Variants in PSG2 observed in about 807,000 individuals in gnomAD.
PSG2 encodes the protein pregnancy-specific beta-1-glycoprotein 2.
PSG2 carries 49 observed loss-of-function variants against 36.2 expected under a neutral mutation model. That is an observed-to-expected ratio of 1.35 (90% CI 1.08 to 1.72). The LOEUF is 1.72. PSG2 is among the 40% of genes most tolerant of loss of function. The pLI, the probability that PSG2 is intolerant of heterozygous loss-of-function variation, is 0.00. For synonymous variants in PSG2, 261 were observed against 155.6 expected, an observed-to-expected ratio of 1.68 and a Z score of -5.04; for missense variants, 605 against 407.2, an observed-to-expected ratio of 1.49 and a Z score of -4.18.
Position 43,075,417 on chromosome 19 carries a change from C to G in PSG2, c.646G>C (p.Glu216Gln). Residue 216 changes from glutamate to glutamine, a missense_variant, in exon 3 of 6, where the codon GAA (glutamate) becomes CAA (glutamine). Coordinates refer to ENST00000406487, the MANE Select transcript of PSG2 (RefSeq NM_031246.4). ...GVTKYTAGPY[E>Q]CEIRNSGSAS... is the part of the protein sequence containing the mutation. ...CTCCCTGAGTTCCGTATTTCACATT[C>G]ATAGGGTCCTGCAGTATACTTTGTG... 2.4e-5 allele frequency: 38 copies of G among 1,613,174 alleles called. No homozygotes were observed. Among genetic ancestry groups the G allele is most frequent in the Non-Finnish European group, 3.2e-5 (38 of 1,179,680 alleles).
chr19:43,066,930 G>T (rs528825221), intron 4 of PSG2, among the ~76,000 whole-genome samples: 4 of 151,106 alleles, frequency 2.6e-5, no homozygotes, highest in Admixed American at 2.0e-4. Context: ...TCTTTTTCTC[G>T]GTGTTTCTGT....
At position 43,075,774 on chromosome 19, in the gene PSG2, C is replaced by T. The variant is rs1967887180; in HGVS notation, c.431-142G>A. The T allele has an allele frequency of 6.1e-6, 9 of 1,476,172 alleles. No individual in the cohort carries two copies. The Admixed American group carries it at 9.2e-5, about 15-fold the overall frequency. 91.4% of individuals were successfully genotyped at this position (1,476,172 alleles called of 1,614,324 possible). A position where few individuals can be genotyped will look rare whatever the true frequency, so the allele number is the denominator to read the frequency against. On this transcript the variant is annotated intron_variant, in intron 2 of 5. Transcript: ENST00000406487. ...CATGGCAGGTGTGTGTGTTACAAGA[C>T]AGATGCATGGCAATCTGAGGGCTCA... is the stretch of plus-strand genomic sequence containing the variant.
intron 2 of PSG2, 130 bp from the exon 3 acceptor site, chr19:43,075,762 T>A (rs1967887016): frequency 1.3e-6 from 2 of 1,495,984 alleles, no homozygotes; most frequent in Admixed American, 2.2e-5. Context: ...GGCAGGTGTG[T>A]GTGTTACAAG....
intron 3 of PSG2, among the ~76,000 whole-genome samples, chr19:43,073,306 A>T (rs1476420757): frequency 6.6e-6 from 1 of 151,794 alleles, no homozygotes; most frequent in Non-Finnish European, 1.5e-5. Context: ...ATCTAGAAAG[A>T]GTGAAGGGGA....
rs777310487 is a variant in PSG2 at position 43,080,844 on chromosome 19, G to T, written c.430+37C>A. ...TGTGTGTGAAGTAGAAATGACCCCTGTCCCCCAACACCCAGGGATCATGTG... is the reference window on the plus strand; with the variant it reads ...TGTGTGTGAAGTAGAAATGACCCCTTTCCCCCAACACCCAGGGATCATGTG... On this transcript the variant is annotated intron_variant, in intron 2 of 5. Coordinates refer to ENST00000406487, the MANE Select transcript of PSG2 (RefSeq NM_031246.4). 61 of 1,611,894 alleles carry T rather than the reference G, an allele frequency of 3.8e-5. 1 individual carries two copies. In the South Asian group the frequency reaches 6.6e-4, roughly 17 times the overall value.
At chr19:43,073,365 G>A (rs1967846452) in intron 3 of PSG2, among the ~76,000 whole-genome samples, 1 of 151,726 alleles carries the variant, frequency 6.6e-6, no homozygotes, top group Non-Finnish European at 1.5e-5. Flanking sequence ...CCTGTCTTGG[G>A]TTCTTTAAGT....
rs945366381 is a variant in PSG2 at position 43,081,540 on chromosome 19, C to T, written c.65-294G>A. On this transcript the variant is annotated intron_variant, in intron 1 of 5. Coordinates refer to ENST00000406487, the MANE Select transcript of PSG2 (RefSeq NM_031246.4). ...TTTGGAATCCTCTTCCCCAGGGGTCCGCATGACCCCATCAGGTCCTGCTCA... is the reference window on the plus strand; with the variant it reads ...TTTGGAATCCTCTTCCCCAGGGGTCTGCATGACCCCATCAGGTCCTGCTCA... Among the ~76,000 whole-genome samples the T allele has an allele frequency of 2.1e-4, 31 of 149,956 alleles. 1 individual carries two copies. Among genetic ancestry groups the T allele is most frequent in the Admixed American group, 3.3e-4 (5 of 14,930 alleles).
intron 3 of PSG2, chr19:43,072,378 T>G (rs2122903021): frequency 1.9e-6 from 3 of 1,612,730 alleles, no homozygotes; most frequent in Non-Finnish European, 2.5e-6. Context: ...ACTGGGTCAC[T>G]GTGGATGCCA....
At chr19:43,065,059 T>C (rs2122890614) in intron 5 of PSG2, among the ~76,000 whole-genome samples, 1 of 151,716 alleles carries the variant, frequency 6.6e-6, no homozygotes, top group South Asian at 2.1e-4. Flanking sequence ...ATGGTCTCGA[T>C]CTCCTGACCT....
chr19:43,074,975 C>A (rs1967872226), intron 3 of PSG2, among the ~76,000 whole-genome samples: 1 of 151,582 alleles, frequency 6.6e-6, no homozygotes, highest in Non-Finnish European at 1.5e-5. Context: ...AGCATAAAGT[C>A]ACAGGCACTA....
intron 4 of PSG2, among the ~76,000 whole-genome samples, chr19:43,067,257 A>C (rs1032129019): frequency 6.6e-6 from 1 of 150,856 alleles, no homozygotes; most frequent in Admixed American, 6.6e-5. Context: ...TACTACCTTC[A>C]TGCCTGCCCC....
intron 4 of PSG2, among the ~76,000 whole-genome samples, chr19:43,068,337 G>C (rs1967769871): frequency 6.6e-6 from 1 of 151,256 alleles, no homozygotes; most frequent in African/African-American, 2.4e-5. Context: ...ATCTTGAGAG[G>C]CTGAAGAAGG....
chr19:43,068,317 T>C lies in PSG2; in HGVS notation c.965-1717A>G, dbSNP rs560949152. On this transcript the variant is annotated intron_variant, in intron 4 of 5. Transcript: ENST00000406487. ...AGCTGGGCATGTTGACATGCACCTG[T>C]AGTCCTAGCATCTTGAGAGGCTGAA... Among the ~76,000 whole-genome samples the C allele has an allele frequency of 2.0e-5, 3 of 151,438 alleles. No individual in the cohort carries two copies. The South Asian group carries it at 6.3e-4, about 32-fold the overall frequency.
intron 2 of PSG2, among the ~76,000 whole-genome samples, chr19:43,076,421 A>G (rs1967896924): frequency 6.6e-6 from 1 of 151,760 alleles, no homozygotes; most frequent in African/African-American, 2.4e-5. Context: ...GGACCTTTCT[A>G]GAAATACATG....
In PSG2 at chr19:43,081,081, T is replaced by C. The variant is rs1967965746; in HGVS notation, c.230A>G (p.His77Arg). The stretch of plus-strand genomic sequence containing the variant: ...GTCTACTACATATGATGTAATGTAA[T>C]GGTAGAGGTCCCTGATTTGCCCTTT... ...WYKGQIRDLY[H>R]YITSYVVDGQ... Residue 77 changes from histidine (H) to arginine (R), a missense_variant, in exon 2 of 6, where the codon CAT (histidine) becomes CGT (arginine). By Grantham distance (29) the His-to-Arg change is conservative (BLOSUM62 0). Transcript: ENST00000406487. 2 of 1,612,844 alleles carry C rather than the reference T, an allele frequency of 1.2e-6. No homozygotes were observed. Among genetic ancestry groups the C allele is most frequent in the East Asian group, 2.2e-5 (1 of 44,856 alleles).
intron 5 of PSG2, among the ~76,000 whole-genome samples, 184 bp downstream of exon 5, chr19:43,066,333 A>C (rs1221490095): frequency 6.6e-6 from 1 of 151,708 alleles, no homozygotes; most frequent in South Asian, 2.1e-4. Flanking sequence ...TCTAAAAGAC[A>C]GTGGGGTACA....
chr19:43,081,265 A>G lies in PSG2; in HGVS notation c.65-19T>C, dbSNP rs376579290. On this transcript the variant is annotated intron_variant, in intron 1 of 5. Transcript: ENST00000406487. ...AGTGATGCTAGGAGGTGGAGAGAGC[A>G]TCAGACAATATTGAGACCTATGTAT... 1.0e-5 allele frequency: 16 copies of G among 1,605,542 alleles called. No homozygotes were observed. The highest frequency in any genetic ancestry group is 1.4e-5 in the Non-Finnish European group (16 of 1,176,094).
chr19:43,071,110 C>A (rs1967809128), intron 4 of PSG2, among the ~76,000 whole-genome samples: 2 of 151,444 alleles, frequency 1.3e-5, no homozygotes, highest in Non-Finnish European at 2.9e-5. Context: ...CTTCAACTGG[C>A]AGCTCCATTT....
intron 2 of PSG2, among the ~76,000 whole-genome samples, chr19:43,078,431 A>G (rs1967927132): frequency 6.6e-6 from 1 of 151,758 alleles, no homozygotes; most frequent in Non-Finnish European, 1.5e-5. Flanking sequence ...CCTATAGATA[A>G]CATCACTATT....
Sources: allele counts gnomAD v4.1 joint callset (sites outside exome capture counted in the v4.1 genomes callset), GRCh38; gene constraint gnomAD v4.1.1; transcripts MANE v1.5; gene names NCBI Gene and HGNC (gene_info 2026-07-23, HGNC 2026-07-21).